Variants in ZNF385D observed in about 807,000 individuals in gnomAD.
The protein encoded by ZNF385D is zinc finger protein 385D.
A neutral mutation model predicts 35.8 loss-of-function variants in ZNF385D; 15 were observed. The observed-to-expected ratio is 0.42, with a 90% CI of 0.28 to 0.64. The LOEUF is 0.64. ZNF385D is among the 30% of genes least tolerant of loss of function. ZNF385D has a pLI of 0.23. For synonymous variants in ZNF385D, 212 were observed against 186.8 expected, an observed-to-expected ratio of 1.13 and a Z score of -1.10; for missense variants, 474 against 494.6, an observed-to-expected ratio of 0.96 and a Z score of 0.39.
intron 2 of ZNF385D, among the ~76,000 whole-genome samples, chr3:21,657,695 G>A (rs2066114377): frequency 7.1e-6 from 1 of 141,316 alleles, no homozygotes; most frequent in Admixed American, 7.2e-5. Context: ...AGAAAGACAG[G>A]CTTTTTTTTT....
intron 3 of ZNF385D, among the ~76,000 whole-genome samples, chr3:22,126,844 T>C (rs773271431): frequency 1.5e-4 from 23 of 152,162 alleles, no homozygotes; most frequent in Admixed American, 5.9e-4. Flanking sequence ...TTTCTATATC[T>C]GGGTTTTCCA....
rs996564895 is a variant in ZNF385D, at chr3:21,651,895, C to T, written c.165+12991G>A. Among the ~76,000 whole-genome samples the T allele has an allele frequency of 5.9e-5, 9 of 152,190 alleles. No individual in the cohort carries two copies. The East Asian group carries it at 1.7e-3, about 29-fold the overall frequency. ...TTAAGAAAGTGTAAATAAAATCTAC[C>T]ACTTCTGAGAAATAATTAAAGGGCA... On this transcript the variant is annotated intron_variant, in intron 2 of 7. Transcript: ENST00000281523.
At chr3:21,843,403 G>A (rs1334573883) in intron 3 of ZNF385D, among the ~76,000 whole-genome samples, 1 of 151,954 alleles carries the variant, frequency 6.6e-6, no homozygotes, top group Non-Finnish European at 1.5e-5. Flanking sequence ...CTGAGGATAT[G>A]TTTCAGCCTA....
At chr3:21,768,808 C>A (rs935161547) in intron 3 of ZNF385D, among the ~76,000 whole-genome samples, 8 of 151,880 alleles carry the variant, frequency 5.3e-5, no homozygotes, top group Non-Finnish European at 2.9e-5. Flanking sequence ...GGGACGAACG[C>A]CCCATCCCCA....
At chr3:22,226,583 G>C (rs1177090802) in intron 2 of ZNF385D, among the ~76,000 whole-genome samples, 1 of 152,170 alleles carries the variant, frequency 6.6e-6, no homozygotes, top group Admixed American at 6.5e-5. Flanking sequence ...AAGAACCTGT[G>C]ATTAAACTTA....
At chr3:22,169,075 T>G in intron 2 of ZNF385D, 1 of 909,188 alleles carries the variant, frequency 1.1e-6, no homozygotes, top group Non-Finnish European at 1.3e-6. Flanking sequence ...CAGATCAAGA[T>G]TTTTAGATTA....
upstream of ZNF385D, among the ~76,000 whole-genome samples, chr3:21,755,742 A>G (rs752713029): frequency 1.3e-5 from 2 of 152,222 alleles, no homozygotes; most frequent in Non-Finnish European, 2.9e-5. Context: ...TCCATCGTTT[A>G]ATGAACAAAT....
chr3:21,424,527 C>T (rs1419800945), intron 6 of ZNF385D, among the ~76,000 whole-genome samples: 4 of 150,302 alleles, frequency 2.7e-5, no homozygotes, highest in Non-Finnish European at 4.4e-5. Flanking sequence ...CTTGGCCAGG[C>T]TGGTCTTGAA....
intron 4 of ZNF385D, among the ~76,000 whole-genome samples, chr3:21,437,699 T>TAAAAAAAAAAAAAAAA (rs1559447253): frequency 8.4e-4 from 1 of 1,194 alleles, no homozygotes; most frequent in Non-Finnish European, 1.8e-3. Flanking sequence ...CAAATGCTTA[T>TAAAAAAAAAAAAAAAA]ACAAAAAAAA....
intron 3 of ZNF385D, among the ~76,000 whole-genome samples, chr3:22,082,310 T>C (rs944740954): frequency 1.3e-5 from 2 of 152,092 alleles, no homozygotes; most frequent in African/African-American, 4.8e-5. Context: ...AGGGAAGCCA[T>C]GACAGACAGT....
At chr3:21,961,366 G>A (rs766848439) in intron 3 of ZNF385D, 39 of 152,016 alleles carry the variant, frequency 2.6e-4, no homozygotes, top group African/African-American at 8.9e-4. Flanking sequence ...GAAAATATTC[G>A]ACTTAATAAA....
chr3:21,862,681 T>C (rs972796850), intron 3 of ZNF385D, among the ~76,000 whole-genome samples: 1 of 152,148 alleles, frequency 6.6e-6, no homozygotes, highest in Non-Finnish European at 1.5e-5. Context: ...GCCATCATCC[T>C]GCAGCCCAGA....
At chr3:21,901,985 G>C (rs2125899360) in intron 3 of ZNF385D, among the ~76,000 whole-genome samples, 1 of 152,216 alleles carries the variant, frequency 6.6e-6, no homozygotes, top group South Asian at 2.1e-4. Flanking sequence ...CAGTCTCTCT[G>C]TCCATTGGGT....
chr3:22,132,062 G>GA (rs1241903866), intron 3 of ZNF385D, among the ~76,000 whole-genome samples: 1 of 152,006 alleles, frequency 6.6e-6, no homozygotes, highest in Non-Finnish European at 1.5e-5. Context: ...TGATAAAGAG[G>GA]AAAAAACGTT....
At chr3:21,984,852 T>A (rs1426318652) in intron 3 of ZNF385D, among the ~76,000 whole-genome samples, 14 of 131,774 alleles carry the variant, frequency 1.1e-4, no homozygotes, top group East Asian at 1.0e-3. Context: ...TGAGCAGTGG[T>A]TTGTAGTTCT....
At chr3:22,248,764 C>T (rs1416663653) in intron 2 of ZNF385D, among the ~76,000 whole-genome samples, 4 of 152,084 alleles carry the variant, frequency 2.6e-5, no homozygotes, top group Admixed American at 1.3e-4. Flanking sequence ...CCATCTGTGT[C>T]GCCTTTGTGT....
chr3:22,199,408 G>A (rs1420331455), intron 2 of ZNF385D, among the ~76,000 whole-genome samples: 1 of 152,090 alleles, frequency 6.6e-6, no homozygotes, highest in Non-Finnish European at 1.5e-5. Context: ...GAATGCAAAA[G>A]CTATCCAAAA....
chr3:21,749,334 C>T (rs1413261129), intron 1 of ZNF385D, among the ~76,000 whole-genome samples: 1 of 152,122 alleles, frequency 6.6e-6, no homozygotes, highest in Non-Finnish European at 1.5e-5. Flanking sequence ...GGCCTTTGAC[C>T]AGTACTTTTA....
chr3:21,575,244 C>CCCAAGA (rs745342510), intron 2 of ZNF385D, among the ~76,000 whole-genome samples: 9 of 152,110 alleles, frequency 5.9e-5, no homozygotes, highest in Non-Finnish European at 1.2e-4. Context: ...GTATCAGTCA[C>CCCAAGA]CCAAGACCAA....
Sources: allele counts gnomAD v4.1 joint callset (sites outside exome capture counted in the v4.1 genomes callset), GRCh38; gene constraint gnomAD v4.1.1; transcripts MANE v1.5; gene names NCBI Gene and HGNC (gene_info 2026-07-23, HGNC 2026-07-21).